Variants in MYO5A observed in about 807,000 individuals in gnomAD.
The protein encoded by MYO5A is myosin VA, also known as unconventional myosin-Va.
In MYO5A, 98 loss-of-function variants were observed where a neutral mutation model predicts 249.7. That is an observed-to-expected ratio of 0.39 (90% CI 0.33 to 0.46). The LOEUF is 0.46. Among genes scored for constraint, MYO5A ranks in the 20% least tolerant of loss-of-function variants. The probability of loss-of-function intolerance (pLI) is 0.98; values close to 1 mark genes in which losing one functional copy is unlikely to be tolerated. For synonymous variants in MYO5A, 778 were observed against 810.6 expected (o/e 0.96, Z 0.68); for missense variants, 1,696 against 2,308.8 (o/e 0.73, Z 5.44).
Position 52,519,672 on chromosome 15 carries a change from T to C in MYO5A, c.27+9108A>G, listed in dbSNP as rs138395961. 2.2e-3 allele frequency among the ~76,000 whole-genome samples: 332 copies of C among 151,142 alleles called. 2 individuals carry two copies. The highest frequency in any genetic ancestry group is 7.0e-3 in the African/African-American group (290 of 41,336). ...TGAAAAATCAAAATTGAAGACTGAA[T>C]AAATTTTCAAAATTTCAATTTCTAA... On this transcript the variant is annotated intron_variant, in intron 1 of 41. Coordinates refer to ENST00000399233, the MANE Select transcript of MYO5A (RefSeq NM_001382347.1).
rs184148763 is a variant in MYO5A at position 52,319,599 on chromosome 15, C to T, written c.4952-257G>A. ...TACAAAAATTAGCCAGGCGTGGTAG[C>T]GTGTGCCTGTAATCCCAGCTACTCA... is the stretch of plus-strand genomic sequence containing the variant. On this transcript the variant is annotated intron_variant, in intron 38 of 41. Transcript: ENST00000399233. Among the ~76,000 whole-genome samples, 68 of 152,194 alleles carry T rather than the reference C, an allele frequency of 4.5e-4. 2 individuals carry two copies. The East Asian group carries it at 6.4e-3, about 14-fold the overall frequency.
At chr15:52,325,693 C>T (rs1415840440) in intron 36 of MYO5A, among the ~76,000 whole-genome samples, 1 of 152,076 alleles carries the variant, frequency 6.6e-6, no homozygotes, top group African/African-American at 2.4e-5. Flanking sequence ...TGAGCCACAG[C>T]ACCCAGCCCA....
At position 52,366,413 on chromosome 15, in the gene MYO5A, T is replaced by C. The variant is rs2040807932; in HGVS notation, c.3160+618A>G. Among the ~76,000 whole-genome samples, 4 of 151,954 alleles carry C rather than the reference T, an allele frequency of 2.6e-5. No individual in the cohort carries two copies. In the South Asian group the frequency reaches 8.3e-4, roughly 31 times the overall value. On this transcript the variant is annotated intron_variant, in intron 23 of 41. Transcript: ENST00000399233. ...TCCCCATTCCAAACCATCTTTTCTC[T>C]TCCATTTCCACCACTAATTACTGTA...
intron 1 of MYO5A, among the ~76,000 whole-genome samples, chr15:52,471,034 A>G (rs1016441417): frequency 4.6e-5 from 7 of 152,116 alleles, no homozygotes; most frequent in African/African-American, 1.7e-4. Context: ...AAAAAAAAAA[A>G]AAAAAGGAAA....
chr15:52,503,184 T>C (rs2077193362), intron 1 of MYO5A, among the ~76,000 whole-genome samples: 1 of 152,222 alleles, frequency 6.6e-6, no homozygotes, highest in African/African-American at 2.4e-5. Context: ...AACAGACTAA[T>C]TTGAATGTTT....
At chr15:52,514,276 T>C (rs907391735) in intron 1 of MYO5A, among the ~76,000 whole-genome samples, 2 of 152,186 alleles carry the variant, frequency 1.3e-5, no homozygotes, top group African/African-American at 2.4e-5. Flanking sequence ...ATGAATTGTA[T>C]GGTATATGAA....
chr15:52,388,040 C>G (rs568301693), intron 13 of MYO5A, 128 bp from the exon 14 acceptor site: 1 of 723,402 alleles, frequency 1.4e-6, no homozygotes, highest in Non-Finnish European at 2.3e-6. Context: ...TATTATCAGT[C>G]TTTTCCAAGA....
At chr15:52,481,100 G>A (rs2076705654) in intron 1 of MYO5A, among the ~76,000 whole-genome samples, 1 of 152,158 alleles carries the variant, frequency 6.6e-6, no homozygotes, top group Non-Finnish European at 1.5e-5. Context: ...CCTGACTTTG[G>A]AGGTTAGAAC....
At chr15:52,452,649 C>T (rs1471920287) in intron 1 of MYO5A, among the ~76,000 whole-genome samples, 1 of 151,986 alleles carries the variant, frequency 6.6e-6, no homozygotes, top group African/African-American at 2.4e-5. Context: ...ACAGGATATT[C>T]CCTTTGGGAC....
intron 1 of MYO5A, among the ~76,000 whole-genome samples, chr15:52,516,028 T>C (rs982479325): frequency 1.3e-5 from 2 of 152,194 alleles, no homozygotes; most frequent in South Asian, 4.1e-4. Flanking sequence ...TCTTAATATA[T>C]TATAAGTCAG....
Position 52,313,557 on chromosome 15 carries a change from G to C in MYO5A, c.*139C>G. On this transcript the variant is annotated 3_prime_UTR_variant, in exon 42 of 42. Transcript: ENST00000399233. ...CAAAGTGATGAAAGTATTCTAGGGAGATTTCCAGTTAATGACTTCTCATTT... is the reference window on the plus strand; with the variant it reads ...CAAAGTGATGAAAGTATTCTAGGGACATTTCCAGTTAATGACTTCTCATTT... 1 of 1,086,262 alleles carries C rather than the reference G, an allele frequency of 9.2e-7. No individual in the cohort carries two copies. Among genetic ancestry groups the C allele is most frequent in the Non-Finnish European group, 1.4e-6 (1 of 737,160 alleles). 67.3% of individuals were successfully genotyped at this position (1,086,262 alleles called of 1,614,324 possible). A position where few individuals can be genotyped will look rare whatever the true frequency, so the allele number is the denominator to read the frequency against.
rs186719111 is a variant in MYO5A, at chr15:52,382,315, C to T, written c.2012+776G>A. ...AAAATAGGCTGGGCATGGTGGCTCG[C>T]GCCTGTAATCCCACTGGGAGGCCGA... On this transcript the variant is annotated intron_variant, in intron 16 of 41. Transcript: ENST00000399233. Among the ~76,000 whole-genome samples the T allele has an allele frequency of 3.3e-4, 51 of 152,248 alleles. No homozygotes were observed. The South Asian group carries it at 8.1e-3, about 24-fold the overall frequency.
In MYO5A at chr15:52,384,202, C is replaced by T; in HGVS notation, c.1873G>A (p.Gly625Ser). The change falls in exon 15 of 42, where the codon GGC (glycine) becomes AGC (serine). Residue 625 changes from glycine to serine, a missense_variant. By Grantham distance (56) the Gly-to-Ser change is moderately conservative (BLOSUM62 0). Around this residue, in one of 5 missense-constraint regions of MYO5A, gnomAD observed 277 missense variants for 422.4 expected, o/e 0.66. Transcript: ENST00000399233. ...TPAKPTKGRP[G>S]QMAKEHKKTV... ...TTCTTGTGCTCTTTGGCCATTTGGC[C>T]TGGTCTGCCTTTGGTGGGCTTTGCA... The T allele has an allele frequency of 6.2e-7, 1 of 1,614,182 alleles. No individual in the cohort carries two copies. Among genetic ancestry groups the T allele is most frequent in the Non-Finnish European group, 8.5e-7 (1 of 1,180,022 alleles).
At position 52,351,269 on chromosome 15, in the gene MYO5A, C is replaced by T. The variant is rs749934854; in HGVS notation, c.3834G>A (p.Glu1278=). 1.9e-6 allele frequency: 3 copies of T among 1,614,152 alleles called. No homozygotes were observed. The Admixed American group carries it at 5.0e-5, about 27-fold the overall frequency. ...TTGCGCTTACCTTGGGTTGGATGGC[C>T]TCTTTCTGGCTCACCAGTTGAGACC... ...ILRSQLVSQK[E]AIQPKDDKNT... The change falls in exon 28 of 42, where the codon GAG becomes GAA. Residue 1278 remains glutamate, a synonymous_variant. Transcript: ENST00000399233.
At chr15:52,431,555 C>T (rs899379431) in intron 2 of MYO5A, among the ~76,000 whole-genome samples, 3 of 151,846 alleles carry the variant, frequency 2.0e-5, no homozygotes, top group African/African-American at 7.3e-5. Context: ...GGTGTCATCT[C>T]AATAGCAATG....
At chr15:52,389,125 G>T in intron 13 of MYO5A, 113 bp downstream of exon 13, 1 of 1,098,320 alleles carries the variant, frequency 9.1e-7, no homozygotes, top group Non-Finnish European at 1.3e-6. Context: ...GCTGTCCCTT[G>T]AGCCCTAAAG....
Position 52,528,867 on chromosome 15 carries a change from C to T in MYO5A, c.-61G>A, listed in dbSNP as rs550339097. 2 of 1,414,630 alleles carry T rather than the reference C, an allele frequency of 1.4e-6. No homozygotes were observed. Among genetic ancestry groups the T allele is most frequent in the Non-Finnish European group, 9.2e-7 (1 of 1,087,096 alleles). 87.6% of individuals were successfully genotyped at this position (1,414,630 alleles called of 1,614,324 possible). A position where few individuals can be genotyped will look rare whatever the true frequency, so the allele number is the denominator to read the frequency against. ...GGAGGCCGCACCTCGCCTGGGCGGC[C>T]GCCCGAGCGGACTAGGAAGCGCCCG... On this transcript the variant is annotated 5_prime_UTR_variant, in exon 1 of 42. Coordinates refer to ENST00000399233, the MANE Select transcript of MYO5A (RefSeq NM_001382347.1).
At chr15:52,501,387 C>A (rs2077156170) in intron 1 of MYO5A, among the ~76,000 whole-genome samples, 1 of 152,012 alleles carries the variant, frequency 6.6e-6, no homozygotes, top group African/African-American at 2.4e-5. Flanking sequence ...ATCGCTTGAG[C>A]CCCAGGGCTC....
rs371360298 is a variant in MYO5A, at chr15:52,470,782, G to C, written c.28-37497C>G. ...TCACATCGGTAATCCCAGCACTTTGGGAGGCCAAGGAGGGCGGATCACTCG... is the reference window on the plus strand; with the variant it reads ...TCACATCGGTAATCCCAGCACTTTGCGAGGCCAAGGAGGGCGGATCACTCG... On this transcript the variant is annotated intron_variant, in intron 1 of 41. Coordinates refer to ENST00000399233, the MANE Select transcript of MYO5A (RefSeq NM_001382347.1). Among the ~76,000 whole-genome samples, 12 of 152,128 alleles carry C rather than the reference G, an allele frequency of 7.9e-5. No homozygotes were observed. The East Asian group carries it at 2.1e-3, about 27-fold the overall frequency.
Sources: allele counts gnomAD v4.1 joint callset (sites outside exome capture counted in the v4.1 genomes callset), GRCh38; gene constraint gnomAD v4.1.1; regional missense constraint gnomAD v4.1.1; transcripts MANE v1.5; gene names NCBI Gene and HGNC (gene_info 2026-07-23, HGNC 2026-07-21).